Variants in EGF observed in about 807,000 individuals in gnomAD.
EGF encodes epidermal growth factor, also known as pro-epidermal growth factor.
A neutral mutation model predicts 143.8 loss-of-function variants in EGF; 95 were observed. The observed-to-expected ratio is 0.66, with a 90% CI of 0.56 to 0.78. EGF has a LOEUF of 0.78. EGF is among the 30% of genes least tolerant of loss of function. The pLI is 0.00. For synonymous variants in EGF, 510 were observed against 510.5 expected, an observed-to-expected ratio of 1.00 and a Z score of 0.01; for missense variants, 1,320 against 1,470.9, an observed-to-expected ratio of 0.90 and a Z score of 1.68.
intron 21 of EGF, among the ~76,000 whole-genome samples, chr4:110,003,134 T>C (rs569441686): frequency 1.7e-4 from 26 of 152,196 alleles, no homozygotes; most frequent in Admixed American, 4.6e-4. Context: ...TTGACATCCA[T>C]GTGTCTTTAT....
At chr4:109,955,906 A>G (rs1172526457) in intron 5 of EGF, among the ~76,000 whole-genome samples, 1 of 152,184 alleles carries the variant, frequency 6.6e-6, no homozygotes, top group African/African-American at 2.4e-5. Flanking sequence ...GACAATGGGG[A>G]TGATCATGAT....
chr4:109,993,474 G>A (rs373339964), intron 19 of EGF, 105 bp downstream of exon 19: 66 of 1,529,230 alleles, frequency 4.3e-5, no homozygotes, highest in South Asian at 3.7e-4. Context: ...ATTCAGTTCA[G>A]GCAGGCTGCA....
intron 11 of EGF, among the ~76,000 whole-genome samples, chr4:109,970,035 G>C (rs1747313628): frequency 6.6e-6 from 1 of 152,132 alleles, no homozygotes; most frequent in Admixed American, 6.6e-5. Flanking sequence ...GGAGTTGTGA[G>C]GAAAGTGCAT....
intron 22 of EGF, among the ~76,000 whole-genome samples, chr4:110,006,675 C>A (rs1450188086): frequency 6.6e-6 from 1 of 152,180 alleles, no homozygotes; most frequent in Non-Finnish European, 1.5e-5. Flanking sequence ...AATTCATCAT[C>A]ATGGGAATGA....
chr4:109,916,417 C>A (rs2298977), intron 1 of EGF, among the ~76,000 whole-genome samples: 43,849 of 151,996 alleles, frequency 0.29, 6,666 homozygotes, highest in Middle Eastern at 0.4. Flanking sequence ...GGATTCAAAT[C>A]CCATTTCTGC....
chr4:110,000,342 T>G (rs929626514), intron 21 of EGF, among the ~76,000 whole-genome samples: 11 of 152,194 alleles, frequency 7.2e-5, no homozygotes, highest in Non-Finnish European at 1.6e-4. Flanking sequence ...GCTTTTACGT[T>G]TTCCTTGTTC....
In EGF at chr4:109,980,045, A is replaced by G. The variant is rs1227660824; in HGVS notation, c.2127A>G (p.Arg709=). The change falls in exon 14 of 24, where the codon AGA becomes AGG. Residue 709 remains arginine (R), a synonymous_variant. Coordinates refer to ENST00000265171, the MANE Select transcript of EGF (RefSeq NM_001963.6). ...FSDWAMPSVM[R]VNKRTGKDRV... Reference sequence around the variant, plus strand: ...ATTGGGCTATGCCATCAGTAATGAGAGTAAACAAGAGGACTGGCAAAGATA... The same window carrying G: ...ATTGGGCTATGCCATCAGTAATGAGGGTAAACAAGAGGACTGGCAAAGATA... The G allele has an allele frequency of 6.2e-7, 1 of 1,614,088 alleles. No homozygotes were observed. The highest frequency in any genetic ancestry group is 1.1e-5 in the South Asian group (1 of 91,080).
Position 109,954,074 on chromosome 4 carries a change from C to T in EGF, c.941-5238C>T, listed in dbSNP as rs190333665. Among the ~76,000 whole-genome samples, 288 of 152,036 alleles carry T rather than the reference C, an allele frequency of 1.9e-3. 1 individual carries two copies. The highest frequency in any genetic ancestry group is 6.3e-3 in the African/African-American group (259 of 41,368). On this transcript the variant is annotated intron_variant, in intron 5 of 23. Coordinates refer to ENST00000265171, the MANE Select transcript of EGF (RefSeq NM_001963.6). ...ATTTATTTATTTATTTATTTTGAGA[C>T]GGAGTCTCGCTCTGTCACCCATGCT...
chr4:109,923,451 G>A (rs114738939), intron 1 of EGF, among the ~76,000 whole-genome samples: 35 of 151,646 alleles, frequency 2.3e-4, no homozygotes, highest in African/African-American at 8.3e-4. Flanking sequence ...CAGTATAAAT[G>A]AGACTTACAC....
intron 1 of EGF, among the ~76,000 whole-genome samples, chr4:109,926,586 T>C (rs891466765): frequency 2.0e-5 from 3 of 152,148 alleles, no homozygotes; most frequent in Non-Finnish European, 4.4e-5. Context: ...CTCGATCTCC[T>C]GACCTCGTGG....
intron 5 of EGF, among the ~76,000 whole-genome samples, chr4:109,956,333 A>G (rs1172974173): frequency 1.3e-5 from 2 of 152,216 alleles, no homozygotes; most frequent in African/African-American, 4.8e-5. Context: ...AAAGATTTTT[A>G]TAGGGCAAAG....
intron 20 of EGF, among the ~76,000 whole-genome samples, chr4:109,999,250 T>C (rs146491987): frequency 5.9e-5 from 9 of 152,314 alleles, no homozygotes; most frequent in African/African-American, 2.2e-4. Flanking sequence ...TGGTTTCAAG[T>C]GAGGAACTCT....
intron 13 of EGF, among the ~76,000 whole-genome samples, chr4:109,979,427 G>A (rs1748988262): frequency 6.6e-6 from 1 of 152,088 alleles, no homozygotes. Context: ...ATTAAATAAG[G>A]AGAGAGGGGA....
chr4:109,951,247 A>G lies in EGF; in HGVS notation c.940+5972A>G, dbSNP rs143259733. ...GTGGTGTCTGCCTGTAATCCCAGCT[A>G]TTTGGGAGGCTGAGACAGGAGAACC... is the stretch of plus-strand genomic sequence containing the variant. On this transcript the variant is annotated intron_variant, in intron 5 of 23. Coordinates refer to ENST00000265171, the MANE Select transcript of EGF (RefSeq NM_001963.6). Among the ~76,000 whole-genome samples the G allele has an allele frequency of 4.8e-4, 73 of 152,234 alleles. No individual in the cohort carries two copies. The East Asian group carries it at 0.013, about 27-fold the overall frequency.
chr4:110,007,524 T>C (rs886771076), intron 22 of EGF, among the ~76,000 whole-genome samples: 1 of 152,242 alleles, frequency 6.6e-6, no homozygotes, highest in Non-Finnish European at 1.5e-5. Context: ...TCAGCCTGCA[T>C]TGCAAGTGCC....
rs1307143732 is a variant in EGF, at chr4:109,980,865, A to G, written c.2261A>G (p.His754Arg). 1.9e-6 allele frequency: 3 copies of G among 1,613,972 alleles called. No homozygotes were observed. Among genetic ancestry groups the G allele is most frequent in the African/African-American group, 2.7e-5 (2 of 74,908 alleles). ...PCLYQNGGCEHICKKRLGTAW... is the reference protein window; with the variant it reads ...PCLYQNGGCERICKKRLGTAW... Reference sequence around the variant, plus strand: ...TTATATCAAAACGGAGGCTGTGAACATATTTGCAAAAAGAGGCTTGGAACT... The same window carrying G: ...TTATATCAAAACGGAGGCTGTGAACGTATTTGCAAAAAGAGGCTTGGAACT... The change falls in exon 15 of 24, where the codon CAT (histidine) becomes CGT (arginine). Residue 754 changes from histidine (H) to arginine (R), a missense_variant. Physicochemically the swap from His to Arg is conservative, Grantham distance 29 (BLOSUM62 0). Coordinates refer to ENST00000265171, the MANE Select transcript of EGF (RefSeq NM_001963.6).
In EGF at chr4:110,011,638, C is replaced by T; in HGVS notation, c.*183C>T. 2.2e-6 allele frequency: 2 copies of T among 907,224 alleles called. 1 individual carries two copies. Among genetic ancestry groups the T allele is most frequent in the South Asian group, 3.5e-5 (2 of 57,946 alleles). The allele number at this position is 907,224 out of a possible 1,614,324, so 56.2% of individuals were successfully genotyped here. On this transcript the variant is annotated 3_prime_UTR_variant, in exon 24 of 24. Transcript: ENST00000265171. ...TTTGCTCTTTTAAGCAGTCTCACTG[C>T]AGTCTTATTTCCAAGTAAGAGTACT...
At position 109,926,230 on chromosome 4, in the gene EGF, G is replaced by A. The variant is rs557374647; in HGVS notation, c.127+12768G>A. On this transcript the variant is annotated intron_variant, in intron 1 of 23. Transcript: ENST00000265171. ...TAGCTGGGCATGGTGGTATGTGACTGTAGTCTTGGCTTTTCGGAAGGCTGA... is the reference window on the plus strand; with the variant it reads ...TAGCTGGGCATGGTGGTATGTGACTATAGTCTTGGCTTTTCGGAAGGCTGA... Among the ~76,000 whole-genome samples the A allele has an allele frequency of 2.0e-5, 3 of 152,222 alleles. No individual in the cohort carries two copies. The South Asian group carries it at 6.2e-4, about 32-fold the overall frequency.
intron 23 of EGF, 130 bp downstream of exon 23, chr4:110,008,360 A>AC: frequency 5.0e-5 from 57 of 1,133,638 alleles, no homozygotes; most frequent in Middle Eastern, 2.4e-4. Context: ...AAGCTATGTG[A>AC]ATAGCTGGGC....
Sources: allele counts gnomAD v4.1 joint callset (sites outside exome capture counted in the v4.1 genomes callset), GRCh38; gene constraint gnomAD v4.1.1; transcripts MANE v1.5; gene names NCBI Gene and HGNC (gene_info 2026-07-23, HGNC 2026-07-21).